Variants in PCNX2 observed in about 807,000 individuals in gnomAD.
The protein encoded by PCNX2 is pecanex-like protein 2.
In PCNX2, 168 loss-of-function variants were observed where a neutral mutation model predicts 223.8. The ratio of observed to expected loss-of-function variants is 0.75; its 90% CI spans 0.66 to 0.85. The LOEUF is 0.85. Among genes scored for constraint, PCNX2 ranks in the 40% least tolerant of loss-of-function variants. The pLI, the probability that PCNX2 is intolerant of heterozygous loss-of-function variation, is 0.00. For synonymous variants in PCNX2, 1,006 were observed against 1,052.6 expected, an observed-to-expected ratio of 0.96 and a Z score of 0.86; for missense variants, 2,507 against 2,675.5, an observed-to-expected ratio of 0.94 and a Z score of 1.39.
At chr1:233,160,260 T>A (rs563725897) in intron 19 of PCNX2, 23 bp downstream of exon 19, 55 of 1,578,988 alleles carry the variant, frequency 3.5e-5, no homozygotes, top group Admixed American at 1.8e-4. Flanking sequence ...TTTTTTTTTT[T>A]AAATGAGGGA....
intron 30 of PCNX2, chr1:232,999,587 G>A (rs1670006745): frequency 5.5e-6 from 3 of 544,464 alleles, no homozygotes; most frequent in South Asian, 4.6e-5. Context: ...CCGAGTAGCT[G>A]GAATTACAGG....
intron 20 of PCNX2, among the ~76,000 whole-genome samples, chr1:233,138,299 T>C (rs1369170998): frequency 6.6e-6 from 1 of 152,238 alleles, no homozygotes; most frequent in African/African-American, 2.4e-5. Flanking sequence ...GAATTATTTA[T>C]TTGACTCTGC....
At chr1:233,078,795 A>G (rs555662474) in intron 23 of PCNX2, among the ~76,000 whole-genome samples, 2 of 152,236 alleles carry the variant, frequency 1.3e-5, no homozygotes, top group African/African-American at 4.8e-5. Context: ...AGCACAATGC[A>G]TAATAAGCTC....
intron 16 of PCNX2, among the ~76,000 whole-genome samples, chr1:233,178,507 T>C (rs1421364239): frequency 3.3e-5 from 5 of 152,226 alleles, no homozygotes; most frequent in Admixed American, 3.3e-4. Flanking sequence ...AAGATTGTAA[T>C]GTATACTTTC....
Position 232,998,259 on chromosome 1 carries a change from T to A in PCNX2, c.5783A>T (p.Gln1928Leu). The stretch of plus-strand genomic sequence containing the variant: ...GCCCCTGCTGCACCCACCTGTTCTC[T>A]GTGTCCCTTCACAGGATGACACCCC... ...QHGVSSCEGT[Q>L]RTGRRKGRSQ... The change falls in exon 32 of 34, where the codon CAG becomes CTG. Residue 1928 changes from glutamine (Q) to leucine (L), a missense_variant. Coordinates refer to ENST00000258229, the MANE Select transcript of PCNX2 (RefSeq NM_014801.4). The A allele has an allele frequency of 6.3e-7, 1 of 1,575,444 alleles. No individual in the cohort carries two copies. The highest frequency in any genetic ancestry group is 8.6e-7 in the Non-Finnish European group (1 of 1,160,882).
intron 8 of PCNX2, among the ~76,000 whole-genome samples, chr1:233,244,702 C>A (rs780227255): frequency 6.9e-6 from 1 of 144,974 alleles, no homozygotes; most frequent in Non-Finnish European, 1.5e-5. Context: ...CAGAGCAAGA[C>A]CCTGTCTCAA....
intron 19 of PCNX2, among the ~76,000 whole-genome samples, chr1:233,146,295 G>C (rs1677442370): frequency 2.6e-5 from 4 of 152,108 alleles, no homozygotes. Context: ...TTGGGGTTTG[G>C]TAAATGATTA....
At chr1:233,010,110 C>T (rs1670412431) in intron 28 of PCNX2, among the ~76,000 whole-genome samples, 1 of 152,212 alleles carries the variant, frequency 6.6e-6, no homozygotes, top group Non-Finnish European at 1.5e-5. Flanking sequence ...GGCAAGTGGA[C>T]CTTAATTTCC....
At chr1:233,115,355 G>A (rs970354566) in intron 21 of PCNX2, among the ~76,000 whole-genome samples, 29 of 152,118 alleles carry the variant, frequency 1.9e-4, no homozygotes, top group African/African-American at 6.5e-4. Flanking sequence ...AGATAATAGC[G>A]CTACAAGACA....
At chr1:233,141,016 T>C (rs1223138213) in intron 19 of PCNX2, among the ~76,000 whole-genome samples, 2 of 152,034 alleles carry the variant, frequency 1.3e-5, no homozygotes, top group African/African-American at 4.8e-5. Context: ...ACCTCTGGAA[T>C]CACATTCTTC....
chr1:233,318,486 G>T, the PCNX2 span, among the ~76,000 whole-genome samples: 3 of 150,332 alleles, frequency 2.0e-5, no homozygotes, highest in Admixed American at 1.3e-4. Context: ...TCATTGTTCT[G>T]TGTCTCTATG....
At chr1:233,207,846 T>A (rs1220396536) in intron 13 of PCNX2, among the ~76,000 whole-genome samples, 1 of 152,174 alleles carries the variant, frequency 6.6e-6, no homozygotes, top group African/African-American at 2.4e-5. Context: ...CTGGGTGATC[T>A]GAGTATTCAG....
intron 9 of PCNX2, among the ~76,000 whole-genome samples, chr1:233,236,200 A>G (rs1324637356): frequency 1.3e-5 from 2 of 151,964 alleles, no homozygotes; most frequent in East Asian, 3.9e-4. Context: ...CCCCTCCTCC[A>G]AAATGCCCAA....
At chr1:233,108,309 C>T (rs977861703) in intron 21 of PCNX2, among the ~76,000 whole-genome samples, 3 of 152,164 alleles carry the variant, frequency 2.0e-5, no homozygotes, top group Non-Finnish European at 4.4e-5. Context: ...CACACCTAGT[C>T]CAAAATCTGA....
At chr1:233,107,669 A>G (rs537906271) in intron 21 of PCNX2, among the ~76,000 whole-genome samples, 2 of 109,678 alleles carry the variant, frequency 1.8e-5, no homozygotes, top group East Asian at 6.2e-4. Context: ...CTTACAATGA[A>G]AAAAAAAAAA....
At chr1:232,995,457 G>A (rs761164301) in intron 32 of PCNX2, among the ~76,000 whole-genome samples, 9 of 152,190 alleles carry the variant, frequency 5.9e-5, no homozygotes, top group Non-Finnish European at 1.2e-4. Context: ...TTAGGCTTTA[G>A]TAGATCCTGC....
At chr1:233,301,835 A>C in the PCNX2 span, among the ~76,000 whole-genome samples, 1 of 137,454 alleles carries the variant, frequency 7.3e-6, no homozygotes, top group African/African-American at 2.7e-5. Context: ...TCTGCCGCCC[A>C]AGCCAGAATG....
chr1:233,273,593 A>T (rs892465506), intron 1 of PCNX2, among the ~76,000 whole-genome samples: 2 of 151,290 alleles, frequency 1.3e-5, no homozygotes, highest in East Asian at 1.9e-4. Context: ...GCTCCATCCC[A>T]TTCAGTGGTT....
chr1:232,985,843 G>A (rs1669454182), intron 33 of PCNX2: 1 of 607,242 alleles, frequency 1.6e-6, no homozygotes, highest in Non-Finnish European at 2.9e-6. Flanking sequence ...TCTGTATCCG[G>A]TGACTCCTTT....
Sources: allele counts gnomAD v4.1 joint callset (sites outside exome capture counted in the v4.1 genomes callset), GRCh38; gene constraint gnomAD v4.1.1; transcripts MANE v1.5; gene names NCBI Gene and HGNC (gene_info 2026-07-23, HGNC 2026-07-21).